Variants in DNAJC5B observed in about 807,000 individuals in gnomAD.
The protein encoded by DNAJC5B is dnaJ homolog subfamily C member 5B.
In DNAJC5B, 23 loss-of-function variants were observed where a neutral mutation model predicts 24.7. That is an observed-to-expected ratio of 0.93 (90% CI 0.67 to 1.32). DNAJC5B has a LOEUF of 1.32. DNAJC5B is among the 40% of genes most tolerant of loss of function. The pLI, the probability that DNAJC5B is intolerant of heterozygous loss-of-function variation, is 0.00. For missense variants in DNAJC5B, 238 were observed against 240.8 expected (o/e 0.99, Z 0.08); for synonymous variants, 101 against 90.1 (o/e 1.12, Z -0.68).
intron 3 of DNAJC5B, among the ~76,000 whole-genome samples, chr8:66,065,813 G>A (rs1421138948): frequency 2.0e-5 from 3 of 152,182 alleles, no homozygotes; most frequent in Admixed American, 1.3e-4. Flanking sequence ...ATCTGGGAGA[G>A]GAGGGTGAGG....
rs16932452 is a variant in DNAJC5B, at chr8:66,050,720, T to A, written c.-17-811T>A. ...CTAATAGGAAAATTATCTACGACTA[T>A]GATCTCTGGCCAGAACTCCCCAAAA... On this transcript the variant is annotated intron_variant, in intron 2 of 5. Coordinates refer to ENST00000276570, the MANE Select transcript of DNAJC5B (RefSeq NM_033105.6). Among the ~76,000 whole-genome samples, 1,053 of 152,318 alleles carry A rather than the reference T, an allele frequency of 6.9e-3. 11 individuals carry two copies. The highest frequency in any genetic ancestry group is 0.024 in the African/African-American group (1,007 of 41,568).
chr8:66,026,734 G>C (rs1449196755), intron 1 of DNAJC5B, among the ~76,000 whole-genome samples: 1 of 152,250 alleles, frequency 6.6e-6, no homozygotes, highest in African/African-American at 2.4e-5. Context: ...GGCTGAGAAG[G>C]AGCTCTCCTG....
At chr8:66,026,333 T>G (rs1586058984) in intron 1 of DNAJC5B, among the ~76,000 whole-genome samples, 1 of 152,120 alleles carries the variant, frequency 6.6e-6, no homozygotes, top group South Asian at 2.1e-4. Context: ...GCTGAGACGA[T>G]GGGGTTTTTG....
At chr8:66,076,545 A>G in intron 3 of DNAJC5B, 115 bp from the exon 4 acceptor site, 2 of 1,110,206 alleles carry the variant, frequency 1.8e-6, no homozygotes, top group Admixed American at 2.0e-5. Context: ...GAAACTCACC[A>G]TTTCACAGTA....
intron 1 of DNAJC5B, among the ~76,000 whole-genome samples, chr8:66,042,591 T>G (rs1454646697): frequency 8.1e-6 from 1 of 122,876 alleles, no homozygotes; most frequent in Non-Finnish European, 1.5e-5. Context: ...TTTCTTCTTC[T>G]TCTTCCTCTT....
intron 3 of DNAJC5B, among the ~76,000 whole-genome samples, chr8:66,064,057 G>C (rs1210893907): frequency 6.6e-6 from 1 of 152,100 alleles, no homozygotes; most frequent in African/African-American, 2.4e-5. Context: ...AAGAAATTGA[G>C]TAAGATGGTT....
chr8:66,095,082 A>G (rs1319593941), intron 5 of DNAJC5B, among the ~76,000 whole-genome samples: 2 of 152,052 alleles, frequency 1.3e-5, no homozygotes, highest in Non-Finnish European at 2.9e-5. Flanking sequence ...AACTTTCCTT[A>G]CTGTATTTTG....
At chr8:66,062,918 G>A in intron 3 of DNAJC5B, among the ~76,000 whole-genome samples, 1 of 152,250 alleles carries the variant, frequency 6.6e-6, no homozygotes, top group Admixed American at 6.5e-5. Flanking sequence ...GCTGAGGTGG[G>A]AGGATCTCTT....
intron 5 of DNAJC5B, among the ~76,000 whole-genome samples, chr8:66,091,977 GC>G (rs1807858416): frequency 6.6e-6 from 1 of 152,144 alleles, no homozygotes; most frequent in Non-Finnish European, 1.5e-5. Flanking sequence ...ATCCAAAGAG[GC>G]GGGAAGTAGA....
chr8:66,072,566 A>G (rs1170828313), intron 3 of DNAJC5B, among the ~76,000 whole-genome samples: 1 of 152,206 alleles, frequency 6.6e-6, no homozygotes, highest in Non-Finnish European at 1.5e-5. Context: ...CAGCAATGCA[A>G]TTATGTTAAA....
At chr8:66,027,757 T>C (rs1445310201) in intron 1 of DNAJC5B, among the ~76,000 whole-genome samples, 1 of 152,146 alleles carries the variant, frequency 6.6e-6, no homozygotes, top group Non-Finnish European at 1.5e-5. Context: ...ACTGACGCTA[T>C]CTCCCTCCCC....
Position 66,051,228 on chromosome 8 carries a change from G to A in DNAJC5B, c.-17-303G>A, listed in dbSNP as rs370916659. ...TGAAAGACCAAAAAGCTCTACATTT[G>A]CCTGGCCTTTGAGGATTGATTCTCA... On this transcript the variant is annotated intron_variant, in intron 2 of 5. Transcript: ENST00000276570. 1.4e-4 allele frequency among the ~76,000 whole-genome samples: 21 copies of A among 152,166 alleles called. No individual in the cohort carries two copies. The East Asian group carries it at 2.3e-3, about 17-fold the overall frequency.
At chr8:66,020,731 G>T (rs903853729), upstream of DNAJC5B, among the ~76,000 whole-genome samples, 2 of 151,812 alleles carry the variant, frequency 1.3e-5, no homozygotes, top group African/African-American at 2.4e-5. Flanking sequence ...TCGATATCTT[G>T]GGTTTAAGCG....
At chr8:66,035,848 T>A (rs1806472072) in intron 1 of DNAJC5B, among the ~76,000 whole-genome samples, 1 of 152,152 alleles carries the variant, frequency 6.6e-6, no homozygotes, top group African/African-American at 2.4e-5. Context: ...GAAGGTCGAC[T>A]TTTACCTTTC....
At chr8:66,048,989 T>A (rs915530545) in intron 2 of DNAJC5B, among the ~76,000 whole-genome samples, 1 of 152,262 alleles carries the variant, frequency 6.6e-6, no homozygotes, top group Non-Finnish European at 1.5e-5. Flanking sequence ...GTTTGATCTC[T>A]ATACTTGGTA....
chr8:66,062,113 G>T (rs1479242943), intron 3 of DNAJC5B, among the ~76,000 whole-genome samples: 1 of 152,236 alleles, frequency 6.6e-6, no homozygotes, highest in African/African-American at 2.4e-5. Flanking sequence ...ACTGTGCCTG[G>T]TCTCTCACTG....
intron 2 of DNAJC5B, among the ~76,000 whole-genome samples, chr8:66,048,364 C>T (rs1415513083): frequency 6.6e-6 from 1 of 152,220 alleles, no homozygotes; most frequent in Non-Finnish European, 1.5e-5. Context: ...TTCTCTGTCG[C>T]TACTTTCTTC....
At position 66,100,098 on chromosome 8, in the gene DNAJC5B, G is replaced by T. The variant is rs182039141; in HGVS notation, c.*67G>T. 2.4e-3 allele frequency: 3,362 copies of T among 1,379,298 alleles called. 15 individuals carry two copies. The highest frequency in any genetic ancestry group is 2.2e-3 in the Non-Finnish European group (2,226 of 992,742). The allele number at this position is 1,379,298 out of a possible 1,614,324, so 85.4% of individuals were successfully genotyped here. The stretch of plus-strand genomic sequence containing the variant: ...AGTCTTGTCTCCAGATGGTCGTAGG[G>T]GAGCGTGTGGGGCATAAAGTGCTGT... On this transcript the variant is annotated 3_prime_UTR_variant, in exon 6 of 6. Transcript: ENST00000276570.
intron 2 of DNAJC5B, among the ~76,000 whole-genome samples, chr8:66,049,048 C>G (rs1040792894): frequency 5.2e-4 from 79 of 152,336 alleles, no homozygotes; most frequent in African/African-American, 1.9e-3. Context: ...ACATTTGGAT[C>G]CCATATTAGT....
Sources: allele counts gnomAD v4.1 joint callset (sites outside exome capture counted in the v4.1 genomes callset), GRCh38; gene constraint gnomAD v4.1.1; transcripts MANE v1.5; gene names NCBI Gene and HGNC (gene_info 2026-07-23, HGNC 2026-07-21).